CERS6: variants seen among roughly 807,000 people sequenced by gnomAD.
The protein encoded by CERS6 is ceramide synthase 6.
A neutral mutation model predicts 56.8 loss-of-function variants in CERS6; 26 were observed. The observed-to-expected ratio is 0.46, with a 90% confidence interval of 0.34 to 0.63. CERS6 has a LOEUF of 0.63. Ranked by LOEUF, CERS6 falls within the 30% of genes least tolerant of loss-of-function variation. The pLI, the probability that CERS6 is intolerant of heterozygous loss-of-function variation, is 0.01. For missense variants in CERS6, 415 were observed against 467.5 expected (o/e 0.89, Z 1.04); for synonymous variants, 164 against 173.3 (o/e 0.95, Z 0.42).
At chr2:168,604,387 A>G (rs996238243) in intron 3 of CERS6, among the ~76,000 whole-genome samples, 3 of 20,586 alleles carry the variant, frequency 1.5e-4, no homozygotes, top group Non-Finnish European at 3.5e-4. Context: ...GAGCAGTTGT[A>G]TACGTGTGTG....
At chr2:168,572,568 A>G (rs772614244) in intron 3 of CERS6, among the ~76,000 whole-genome samples, 13 of 151,734 alleles carry the variant, frequency 8.6e-5, no homozygotes, top group Non-Finnish European at 1.6e-4. Flanking sequence ...ATAGAAAATA[A>G]TGTATTATTT....
chr2:168,725,645 A>G (rs1238550305), intron 8 of CERS6, among the ~76,000 whole-genome samples: 1 of 152,196 alleles, frequency 6.6e-6, no homozygotes. Context: ...GTCTTTATTT[A>G]TCATATACTT....
rs1444880935 is a variant in CERS6 at position 168,733,230 on chromosome 2, CTG to C, written c.845+15254_845+15255del. Among the ~76,000 whole-genome samples, 5 of 152,262 alleles carry C rather than the reference CTG, an allele frequency of 3.3e-5. No homozygotes were observed. The South Asian group carries it at 8.3e-4, about 25-fold the overall frequency. On this transcript the variant is annotated intron_variant, in intron 8 of 9. Coordinates refer to ENST00000305747, the MANE Select transcript of CERS6 (RefSeq NM_203463.3). ...TGAAAACCCAACAGTTTCATTGAAACTGTATTTTGCTGGCACTTTTTGTGCTT... is the reference window on the plus strand; with the variant it reads ...TGAAAACCCAACAGTTTCATTGAAACTATTTTGCTGGCACTTTTTGTGCTT...
At chr2:168,661,813 G>A (rs1266203394) in intron 4 of CERS6, among the ~76,000 whole-genome samples, 1 of 152,240 alleles carries the variant, frequency 6.6e-6, no homozygotes, top group African/African-American at 2.4e-5. Flanking sequence ...CTGGGATGCA[G>A]TGCAAATGTC....
At chr2:168,732,979 G>C (rs1168987068) in intron 8 of CERS6, among the ~76,000 whole-genome samples, 1 of 151,950 alleles carries the variant, frequency 6.6e-6, no homozygotes, top group Non-Finnish European at 1.5e-5. Flanking sequence ...TAAAAAAAAA[G>C]ATACAGTGAT....
intron 3 of CERS6, among the ~76,000 whole-genome samples, chr2:168,572,801 A>T (rs1056688574): frequency 2.6e-5 from 4 of 152,130 alleles, no homozygotes; most frequent in Non-Finnish European, 5.9e-5. Flanking sequence ...TTGACCGTCA[A>T]TACCTTGAGT....
intron 3 of CERS6, among the ~76,000 whole-genome samples, chr2:168,602,338 A>G (rs900425386): frequency 2.6e-5 from 4 of 152,244 alleles, no homozygotes; most frequent in African/African-American, 7.2e-5. Flanking sequence ...TTTGCCTGGT[A>G]TAGGACTCTG....
chr2:168,717,742 A>C, intron 7 of CERS6, 130 bp from the exon 8 acceptor site: 1 of 598,902 alleles, frequency 1.7e-6, no homozygotes. Flanking sequence ...TCGCAGGCTG[A>C]AATGCATAAA....
chr2:168,730,956 T>G (rs1465724810), intron 8 of CERS6, among the ~76,000 whole-genome samples: 1 of 152,140 alleles, frequency 6.6e-6, no homozygotes, highest in Non-Finnish European at 1.5e-5. Context: ...AAAAGGCCAT[T>G]GGAAACATGT....
At chr2:168,562,366 G>C (rs1221788691) in intron 3 of CERS6, among the ~76,000 whole-genome samples, 1 of 152,154 alleles carries the variant, frequency 6.6e-6, no homozygotes, top group Non-Finnish European at 1.5e-5. Flanking sequence ...CCAGGGGACC[G>C]GCACTCAGCA....
intron 6 of CERS6, among the ~76,000 whole-genome samples, chr2:168,708,872 C>A (rs1687022212): frequency 6.6e-6 from 1 of 152,020 alleles, no homozygotes; most frequent in Admixed American, 6.6e-5. Flanking sequence ...ATGTATTATC[C>A]AGCCAATGAG....
intron 8 of CERS6, among the ~76,000 whole-genome samples, chr2:168,747,029 G>C (rs1360627233): frequency 6.6e-6 from 1 of 151,656 alleles, no homozygotes; most frequent in African/African-American, 2.4e-5. Context: ...ATACATATGT[G>C]TGTAAAATGT....
chr2:168,708,652 C>G (rs1017064974), intron 6 of CERS6, among the ~76,000 whole-genome samples: 1 of 152,040 alleles, frequency 6.6e-6, no homozygotes, highest in African/African-American at 2.4e-5. Flanking sequence ...TTATTAAATT[C>G]AGGAAAGCTA....
intron 8 of CERS6, among the ~76,000 whole-genome samples, chr2:168,746,443 C>G (rs1384023984): frequency 6.6e-6 from 1 of 152,016 alleles, no homozygotes; most frequent in African/African-American, 2.4e-5. Context: ...CAGAAAAGCA[C>G]ACATCCCACC....
chr2:168,766,454 G>A, intron 9 of CERS6: 2 of 974,804 alleles, frequency 2.1e-6, no homozygotes, highest in South Asian at 1.3e-5. Context: ...TAACCTATTG[G>A]CACTGTCTAG....
At chr2:168,492,089 T>A (rs749946890) in intron 1 of CERS6, among the ~76,000 whole-genome samples, 1 of 152,224 alleles carries the variant, frequency 6.6e-6, no homozygotes, top group Non-Finnish European at 1.5e-5. Context: ...TACGTGTGCA[T>A]GTGTCTTGAC....
chr2:168,581,901 T>C (rs530724594), intron 3 of CERS6, among the ~76,000 whole-genome samples: 6 of 152,298 alleles, frequency 3.9e-5, no homozygotes, highest in African/African-American at 1.4e-4. Flanking sequence ...AGAGAGTTTA[T>C]GCTTATGCTC....
At chr2:168,645,181 A>AGAGAGAGAGAGAGAGAGAGAGAGT (rs1332171299) in intron 4 of CERS6, among the ~76,000 whole-genome samples, 10 of 120,654 alleles carry the variant, frequency 8.3e-5, no homozygotes, top group Non-Finnish European at 1.3e-4. Context: ...AGAGAGAGAG[A>AGAGAGAGAGAGAGAGAGAGAGAGT]GAGAGAGAGT....
At chr2:168,632,845 G>A (rs996960015) in intron 4 of CERS6, among the ~76,000 whole-genome samples, 1 of 152,106 alleles carries the variant, frequency 6.6e-6, no homozygotes, top group Non-Finnish European at 1.5e-5. Context: ...GGCTTTGTTG[G>A]TGAGAAAGGA....
Sources: allele counts gnomAD v4.1 joint callset (sites outside exome capture counted in the v4.1 genomes callset), GRCh38; gene constraint gnomAD v4.1.1; transcripts MANE v1.5; gene names NCBI Gene and HGNC (gene_info 2026-07-23, HGNC 2026-07-21).